Variants in GTF2A1L observed in about 807,000 individuals in gnomAD.
The protein encoded by GTF2A1L is general transcription factor IIA subunit 1 like, also known as TFIIA-alpha and beta-like factor.
In GTF2A1L, 48 loss-of-function variants were observed where a neutral mutation model predicts 49.7. That is an observed-to-expected ratio of 0.97 (90% CI 0.77 to 1.23). The LOEUF (loss-of-function observed/expected upper bound fraction) is 1.23. Ranked by LOEUF, GTF2A1L falls within the 50% of genes most tolerant of loss-of-function variation. The pLI, the probability that GTF2A1L is intolerant of heterozygous loss-of-function variation, is 0.00. For synonymous variants in GTF2A1L, 246 were observed against 193.5 expected (o/e 1.27, Z -2.25); for missense variants, 736 against 564.8 (o/e 1.30, Z -3.07).
intron 8 of GTF2A1L, among the ~76,000 whole-genome samples, chr2:48,671,975 T>C (rs1416049792): frequency 6.6e-6 from 1 of 152,196 alleles, no homozygotes; most frequent in East Asian, 1.9e-4. Flanking sequence ...AGCTAAAATA[T>C]GTGACAGGTA....
intron 3 of GTF2A1L, among the ~76,000 whole-genome samples, chr2:48,635,272 T>G (rs1353563180): frequency 4.0e-5 from 6 of 149,220 alleles, no homozygotes; most frequent in Admixed American, 4.0e-4. Context: ...AAGGGTGGAG[T>G]GGATCAGGCT....
At chr2:48,671,522 A>AT in intron 7 of GTF2A1L, 69 bp from the exon 8 acceptor site, 1 of 1,496,750 alleles carries the variant, frequency 6.7e-7, no homozygotes, top group Non-Finnish European at 9.1e-7. Flanking sequence ...TTATTTCTAT[A>AT]TGTCTCTTTA....
intron 8 of GTF2A1L, among the ~76,000 whole-genome samples, chr2:48,674,438 G>C (rs1033933973): frequency 2.0e-5 from 3 of 151,646 alleles, no homozygotes; most frequent in African/African-American, 7.3e-5. Flanking sequence ...GTTTTGAATT[G>C]CTGTAAAAAG....
intron 1 of GTF2A1L, among the ~76,000 whole-genome samples, chr2:48,619,824 T>C (rs1289331093): frequency 6.6e-6 from 1 of 152,196 alleles, no homozygotes; most frequent in Admixed American, 6.5e-5. Flanking sequence ...TTAATCTGGG[T>C]AGAAATCTGC....
intron 3 of GTF2A1L, among the ~76,000 whole-genome samples, chr2:48,635,725 C>G (rs1203965150): frequency 6.6e-6 from 1 of 151,942 alleles, no homozygotes; most frequent in Non-Finnish European, 1.5e-5. Flanking sequence ...GTCTGTGGCG[C>G]AAGAGTAAAA....
intron 3 of GTF2A1L, among the ~76,000 whole-genome samples, chr2:48,621,695 G>A (rs112627496): frequency 0.013 from 1,960 of 152,190 alleles, 51 homozygotes; most frequent in African/African-American, 0.044. Context: ...TTATAAATCT[G>A]ATATATTGGG....
chr2:48,630,486 G>A (rs899768438), intron 3 of GTF2A1L, among the ~76,000 whole-genome samples: 2 of 144,368 alleles, frequency 1.4e-5, no homozygotes, highest in Non-Finnish European at 3.1e-5. Flanking sequence ...AAACTTAACT[G>A]AAGACATGTA....
intron 1 of GTF2A1L, among the ~76,000 whole-genome samples, chr2:48,619,993 A>C (rs1675890070): frequency 6.6e-6 from 1 of 152,192 alleles, no homozygotes; most frequent in African/African-American, 2.4e-5. Context: ...ATGGTCCAGA[A>C]TATATATTTT....
intron 6 of GTF2A1L, among the ~76,000 whole-genome samples, chr2:48,652,386 C>T (rs1298375207): frequency 2.6e-5 from 4 of 151,902 alleles, no homozygotes; most frequent in South Asian, 4.2e-4. Context: ...GAGGCCAAAG[C>T]GGATGGATCA....
chr2:48,621,069 T>G, intron 2 of GTF2A1L, 98 bp from the exon 3 acceptor site: 5 of 1,516,212 alleles, frequency 3.3e-6, no homozygotes, highest in Non-Finnish European at 4.4e-6. Context: ...CATTGTGCCA[T>G]CAGGATGACG....
chr2:48,664,312 G>A (rs1204706542), intron 6 of GTF2A1L, among the ~76,000 whole-genome samples: 1 of 150,242 alleles, frequency 6.7e-6, no homozygotes, highest in African/African-American at 2.4e-5. Flanking sequence ...TTTCTTTAAT[G>A]TAGTTTTTTT....
rs549410095 is a variant in GTF2A1L, at chr2:48,636,254, T to C, written c.248-6148T>C. On this transcript the variant is annotated intron_variant, in intron 3 of 8. Transcript: ENST00000403751. ...CTCCCAGCTTAAACAATGACACAAA[T>C]GCTTTTCCTTGTACTTTTGCATGCT... Among the ~76,000 whole-genome samples the C allele has an allele frequency of 8.5e-5, 13 of 152,354 alleles. No individual in the cohort carries two copies. The South Asian group carries it at 1.0e-3, about 12-fold the overall frequency.
chr2:48,669,467 C>A (rs377704156), intron 6 of GTF2A1L, among the ~76,000 whole-genome samples: 106 of 152,122 alleles, frequency 7.0e-4, no homozygotes, highest in African/African-American at 2.5e-3. Flanking sequence ...GTAAATATTA[C>A]CTGAAAGTAA....
chr2:48,660,191 G>A (rs888676933), intron 6 of GTF2A1L, among the ~76,000 whole-genome samples: 1 of 152,108 alleles, frequency 6.6e-6, no homozygotes, highest in South Asian at 2.1e-4. Flanking sequence ...CTATTTGCCA[G>A]TATTTTGTTG....
intron 7 of GTF2A1L, among the ~76,000 whole-genome samples, chr2:48,670,397 A>G (rs992807055): frequency 6.6e-6 from 1 of 151,990 alleles, no homozygotes; most frequent in Non-Finnish European, 1.5e-5. Context: ...AAAAAGACTT[A>G]TTATATGCTT....
At chr2:48,637,544 G>A (rs1266064845) in intron 3 of GTF2A1L, among the ~76,000 whole-genome samples, 2 of 152,036 alleles carry the variant, frequency 1.3e-5, no homozygotes, top group South Asian at 4.2e-4. Flanking sequence ...AATTAAGAAC[G>A]TAACATCACA....
intron 6 of GTF2A1L, among the ~76,000 whole-genome samples, chr2:48,656,130 C>T (rs1241695999): frequency 6.6e-6 from 1 of 152,102 alleles, no homozygotes; most frequent in Admixed American, 6.6e-5. Context: ...GTGAATAATG[C>T]TGCTGTAAAC....
intron 6 of GTF2A1L, 171 bp downstream of exon 6, chr2:48,647,213 A>G: frequency 1.7e-6 from 1 of 580,922 alleles, no homozygotes; most frequent in South Asian, 3.3e-5. Context: ...TAATTGTGAT[A>G]AAATACACGT....
chr2:48,623,037 GT>G (rs1317470938), intron 3 of GTF2A1L, among the ~76,000 whole-genome samples: 3 of 152,146 alleles, frequency 2.0e-5, no homozygotes, highest in African/African-American at 7.2e-5. Flanking sequence ...ATTTTAAATA[GT>G]TTTTCTCCTT....
Sources: gnomAD v4.1 joint callset for allele counts (sites outside exome capture counted in the v4.1 genomes callset) on GRCh38, gnomAD v4.1.1 for gene constraint, MANE v1.5 for transcripts, NCBI Gene and HGNC (gene_info 2026-07-23, HGNC 2026-07-21) for gene names.